Variants in SPATS2L observed in about 807,000 individuals in gnomAD.
SPATS2L encodes the protein spermatogenesis associated serine rich 2 like, also known as SPATS2-like protein.
A neutral mutation model predicts 59.6 loss-of-function variants in SPATS2L; 30 were observed. The ratio of observed to expected loss-of-function variants is 0.50; its 90% CI spans 0.38 to 0.68. SPATS2L has a LOEUF of 0.68. SPATS2L is among the 30% of genes least tolerant of loss of function. SPATS2L has a pLI of 0.00. For missense variants in SPATS2L, 615 were observed against 700.0 expected, an observed-to-expected ratio of 0.88 and a Z score of 1.37; for synonymous variants, 252 against 263.5, an observed-to-expected ratio of 0.96 and a Z score of 0.42.
intron 11 of SPATS2L, 92 bp downstream of exon 11, chr2:200,470,108 C>T: frequency 1.0e-6 from 1 of 997,328 alleles, no homozygotes; most frequent in Non-Finnish European, 1.5e-6. Flanking sequence ...GCAGTCCCCC[C>T]AGGGGGCTAA....
At chr2:200,404,048 T>A (rs2082615244) in intron 3 of SPATS2L, among the ~76,000 whole-genome samples, 1 of 152,228 alleles carries the variant, frequency 6.6e-6, no homozygotes, top group African/African-American at 2.4e-5. Flanking sequence ...CTCCCTTCCA[T>A]TCCACATGGG....
chr2:200,334,464 G>T (rs919357705), intron 2 of SPATS2L, among the ~76,000 whole-genome samples: 1 of 151,210 alleles, frequency 6.6e-6, no homozygotes, highest in African/African-American at 2.4e-5. Context: ...TAGGTTGCCT[G>T]TTCACTCTGA....
At chr2:200,440,420 C>T (rs146701352) in intron 7 of SPATS2L, among the ~76,000 whole-genome samples, 2 of 152,186 alleles carry the variant, frequency 1.3e-5, no homozygotes, top group African/African-American at 4.8e-5. Context: ...GTGCAGGAGA[C>T]AAGCGTACCC....
intron 2 of SPATS2L, among the ~76,000 whole-genome samples, chr2:200,358,251 T>A (rs1306843886): frequency 6.6e-6 from 1 of 152,228 alleles, no homozygotes; most frequent in African/African-American, 2.4e-5. Flanking sequence ...TTGAGGGATC[T>A]AGCACACAGG....
At chr2:200,349,495 G>T (rs757222435) in intron 2 of SPATS2L, among the ~76,000 whole-genome samples, 7 of 152,192 alleles carry the variant, frequency 4.6e-5, no homozygotes, top group Non-Finnish European at 2.9e-5. Context: ...AAAATTAGCC[G>T]AATGTGATGG....
At chr2:200,328,974 G>A (rs1003682643) in intron 1 of SPATS2L, among the ~76,000 whole-genome samples, 1 of 152,196 alleles carries the variant, frequency 6.6e-6, no homozygotes, top group Non-Finnish European at 1.5e-5. Flanking sequence ...TCATGAGACA[G>A]GTGATTTGAC....
chr2:200,429,233 G>C (rs1214320680), intron 6 of SPATS2L, among the ~76,000 whole-genome samples: 4 of 152,174 alleles, frequency 2.6e-5, no homozygotes, highest in Non-Finnish European at 5.9e-5. Flanking sequence ...TATTTGAATA[G>C]GAGAAATGTA....
At chr2:200,360,226 A>G (rs1444757580) in intron 2 of SPATS2L, among the ~76,000 whole-genome samples, 1 of 152,184 alleles carries the variant, frequency 6.6e-6, no homozygotes, top group Non-Finnish European at 1.5e-5. Flanking sequence ...AAGTCCATTT[A>G]TTCTCTTCTT....
intron 3 of SPATS2L, among the ~76,000 whole-genome samples, chr2:200,392,446 C>T (rs893782656): frequency 7.2e-5 from 11 of 152,152 alleles, no homozygotes; most frequent in African/African-American, 2.4e-4. Flanking sequence ...CTCTTGTGTT[C>T]ATCAGTAACC....
Position 200,372,071 on chromosome 2 carries a change from T to C in SPATS2L, c.-22-17152T>C, listed in dbSNP as rs112758176. ...CTTCTGAGAGTGTGCCTTGTAGGTA[T>C]CAGCTGGACTTGACTTGGCTTCAAT... is the stretch of plus-strand genomic sequence containing the variant. On this transcript the variant is annotated intron_variant, in intron 2 of 12. Coordinates refer to ENST00000409140, the MANE Select transcript of SPATS2L (RefSeq NM_001100423.2). The C allele has an allele frequency of 1.0e-5, 10 of 985,362 alleles. No homozygotes were observed. The African/African-American group carries it at 1.6e-4, about 15-fold the overall frequency. The allele number at this position is 985,362 out of a possible 1,614,324, so 61.0% of individuals were successfully genotyped here. A position where few individuals can be genotyped will look rare whatever the true frequency, so the allele number is the denominator to read the frequency against.
chr2:200,445,972 TA>T (rs1303227718), intron 8 of SPATS2L, among the ~76,000 whole-genome samples: 3 of 152,208 alleles, frequency 2.0e-5, no homozygotes, highest in Non-Finnish European at 4.4e-5. Context: ...ACACTATAAA[TA>T]AAAACTCTTA....
intron 2 of SPATS2L, among the ~76,000 whole-genome samples, chr2:200,332,926 TA>T (rs1559045968): frequency 6.6e-6 from 1 of 151,784 alleles, no homozygotes; most frequent in Admixed American, 6.6e-5. Flanking sequence ...TATACAGCAG[TA>T]AAAAAATGAA....
chr2:200,460,527 CAAGGT>C (rs2086160449), intron 9 of SPATS2L, among the ~76,000 whole-genome samples: 1 of 152,066 alleles, frequency 6.6e-6, no homozygotes, highest in African/African-American at 2.4e-5. Context: ...AGGCAGATCA[CAAGGT>C]CAGGAGATCG....
At chr2:200,378,158 C>A (rs1017647295) in intron 2 of SPATS2L, 38 of 917,962 alleles carry the variant, frequency 4.1e-5, no homozygotes, top group Admixed American at 6.2e-5. Context: ...AGGCCACCAA[C>A]CCCCTGCTGA....
At chr2:200,306,640 CG>C, upstream of SPATS2L, 2 of 789,094 alleles carry the variant, frequency 2.5e-6, no homozygotes. Flanking sequence ...GGTCGGCGGG[CG>C]GGGGCAGCCT....
Position 200,369,660 on chromosome 2 carries a change from TA to T in SPATS2L, c.-22-19558del, listed in dbSNP as rs1241535189. Among the ~76,000 whole-genome samples the T allele has an allele frequency of 2.6e-5, 4 of 151,992 alleles. No homozygotes were observed. In the East Asian group the frequency reaches 7.7e-4, roughly 29 times the overall value. ...TTAAGTATAATATATAAAAAAATCC[TA>T]AAAACAACCAAAGACATAAAAAGCT... On this transcript the variant is annotated intron_variant, in intron 2 of 12. Coordinates refer to ENST00000409140, the MANE Select transcript of SPATS2L (RefSeq NM_001100423.2).
At chr2:200,321,132 A>C (rs115235920) in intron 1 of SPATS2L, among the ~76,000 whole-genome samples, 4,431 of 152,194 alleles carry the variant, frequency 0.029, 75 homozygotes, top group Middle Eastern at 0.078. Flanking sequence ...TTTCCCTTTC[A>C]GATGTGCATT....
rs2087708507 is a variant in SPATS2L at position 200,478,827 on chromosome 2, T to G, written c.*796T>G. The G allele has an allele frequency of 6.6e-6, 1 of 152,096 alleles. No homozygotes were observed. The highest frequency in any genetic ancestry group is 2.4e-5 in the African/African-American group (1 of 41,426). 9.4% of individuals were successfully genotyped at this position (152,096 alleles called of 1,614,324 possible). A position where few individuals can be genotyped will look rare whatever the true frequency, so the allele number is the denominator to read the frequency against. The stretch of plus-strand genomic sequence containing the variant: ...CTGAGCCTAGCTTCAACAATAAGAA[T>G]TTATTGGTTCAGTGAGTGAAAAGTC... On this transcript the variant is annotated 3_prime_UTR_variant, in exon 13 of 13. Transcript: ENST00000409140.
At chr2:200,367,342 A>G (rs1002329799) in intron 2 of SPATS2L, among the ~76,000 whole-genome samples, 1 of 152,140 alleles carries the variant, frequency 6.6e-6, no homozygotes, top group African/African-American at 2.4e-5. Flanking sequence ...AGCAAAGCCC[A>G]CTTCCAGGTC....
Sources: gnomAD v4.1 joint callset for allele counts (sites outside exome capture counted in the v4.1 genomes callset) on GRCh38, gnomAD v4.1.1 for gene constraint, MANE v1.5 for transcripts, NCBI Gene and HGNC (gene_info 2026-07-23, HGNC 2026-07-21) for gene names.